The following OR51E2 variants were observed in gnomAD, a reference collection of about 807,000 sequenced individuals.
OR51E2 encodes olfactory receptor family 51 subfamily E member 2, also known as olfactory receptor 51E2.
Under a neutral mutation model 13.7 loss-of-function variants are expected in OR51E2, and 14 were observed. That is an observed-to-expected ratio of 1.02 (90% CI 0.68 to 1.60). OR51E2 has a LOEUF of 1.60. OR51E2 is among the 40% of genes most tolerant of loss of function. OR51E2 has a pLI of 0.00. For missense variants in OR51E2, 483 were observed against 413.8 expected (o/e 1.17, Z -1.45); for synonymous variants, 180 against 157.6 (o/e 1.14, Z -1.07).
rs138652590 is a variant in OR51E2 at position 4,686,078 on chromosome 11, A to C, written c.-50-3317T>G. Among the ~76,000 whole-genome samples, 76 of 152,306 alleles carry C rather than the reference A, an allele frequency of 5.0e-4. No individual in the cohort carries two copies. The East Asian group carries it at 0.011, about 22-fold the overall frequency. On this transcript the variant is annotated intron_variant, in intron 1 of 1. Transcript: ENST00000396950. ...TTAATTAATTCATTCATTGTGTAAT[A>C]AGCACATTCTCAAGGCTAGTTTTGT... is the stretch of plus-strand genomic sequence containing the variant.
chr11:4,697,812 T>G lies in OR51E2; in HGVS notation c.-210A>C, dbSNP rs1244063738. ...CTGAAAGGCCAATTCCTGGTGGTGG[T>G]GCTAACTCACTGTGTCTTCAGGGTG... On this transcript the variant is annotated 5_prime_UTR_variant, in exon 1 of 2. Transcript: ENST00000396950. The G allele has an allele frequency of 6.6e-6, 1 of 152,420 alleles. No individual in the cohort carries two copies. The allele number at this position is 152,420 out of a possible 1,614,324, so 9.4% of individuals were successfully genotyped here.
At chr11:4,689,680 A>G (rs1001344073) in intron 1 of OR51E2, among the ~76,000 whole-genome samples, 5 of 152,154 alleles carry the variant, frequency 3.3e-5, no homozygotes, top group Admixed American at 2.0e-4. Flanking sequence ...CCATTATGAC[A>G]CAAATTTAAA....
At chr11:4,697,423 A>G (rs1043771277) in intron 1 of OR51E2, among the ~76,000 whole-genome samples, 12 of 152,330 alleles carry the variant, frequency 7.9e-5, no homozygotes, top group Admixed American at 7.2e-4. Flanking sequence ...ACACTGATTA[A>G]ACCATTTGAC....
At position 4,682,499 on chromosome 11, in the gene OR51E2, G is replaced by A. The variant is rs954329744; in HGVS notation, c.213C>T (p.Ala71=). ...TCTTAGGCATGGTGGATGTGGATAA[G>A]GCCAGGTCAATGGCTGCAAGCATGC... The part of the protein sequence containing the change: ...FLCMLAAIDL[A]LSTSTMPKIL... Residue 71 remains alanine, a synonymous_variant, in exon 2 of 2, where the codon GCC becomes GCT. Transcript: ENST00000396950. 2 of 1,614,092 alleles carry A rather than the reference G, an allele frequency of 1.2e-6. No homozygotes were observed. The highest frequency in any genetic ancestry group is 2.2e-5 in the East Asian group (1 of 44,898).
At chr11:4,697,296 G>A (rs10500614) in intron 1 of OR51E2, among the ~76,000 whole-genome samples, 17,199 of 152,178 alleles carry the variant, frequency 0.11, 1,311 homozygotes, top group Middle Eastern at 0.18. Flanking sequence ...CAGGATATGC[G>A]CTGTGTCTAA....
rs764603666 is a variant in OR51E2 at position 4,682,248 on chromosome 11, A to G, written c.464T>C (p.Phe155Ser). The G allele has an allele frequency of 1.3e-5, 21 of 1,614,160 alleles. No individual in the cohort carries two copies. In the East Asian group the frequency reaches 4.7e-4, roughly 36 times the overall value. ...IVAVVRGSLF[F>S]FPLPLLIKRL... ...CTTGATCAGCAGAGGCAGTGGGAAA[A>G]AAAAGAGGGATCCGCGGACCACAGC... Residue 155 changes from phenylalanine (F) to serine (S), a missense_variant, in exon 2 of 2, where the codon TTT becomes TCT. Coordinates refer to ENST00000396950, the MANE Select transcript of OR51E2 (RefSeq NM_030774.4).
chr11:4,682,050 A>T lies in OR51E2; in HGVS notation c.662T>A (p.Ile221Lys). 1 of 1,614,244 alleles carries T rather than the reference A, an allele frequency of 6.2e-7. No homozygotes were observed. The highest frequency in any genetic ancestry group is 2.2e-5 in the East Asian group (1 of 44,890). Reference sequence around the variant, plus strand: ...GGAAGGCAGTTGCAGAACCGTTCGTATTATCAGAAAATAGGACAAGGAGAT... The same window carrying T: ...GGAAGGCAGTTGCAGAACCGTTCGTTTTATCAGAAAATAGGACAAGGAGAT... ...MFISLSYFLI[I>K]RTVLQLPSKS... is the part of the protein sequence containing the mutation. Residue 221 changes from isoleucine (I) to lysine (K), a missense_variant, in exon 2 of 2, where the codon ATA becomes AAA. Ile to Lys is a moderately radical substitution (Grantham distance 102, BLOSUM62 -3). Coordinates refer to ENST00000396950, the MANE Select transcript of OR51E2 (RefSeq NM_030774.4).
chr11:4,689,972 T>C, intron 1 of OR51E2, among the ~76,000 whole-genome samples: 1 of 147,998 alleles, frequency 6.8e-6, no homozygotes, highest in South Asian at 2.1e-4. Context: ...TATTTATATT[T>C]ATAAATATAA....
intron 1 of OR51E2, among the ~76,000 whole-genome samples, chr11:4,694,530 A>G (rs1221117929): frequency 6.6e-5 from 9 of 135,612 alleles, no homozygotes; most frequent in African/African-American, 2.1e-4. Context: ...ATACACACAC[A>G]CATATATACG....
In OR51E2 at chr11:4,684,830, C is replaced by T. The variant is rs148883151; in HGVS notation, c.-50-2069G>A. Among the ~76,000 whole-genome samples, 8 of 152,294 alleles carry T rather than the reference C, an allele frequency of 5.3e-5. No individual in the cohort carries two copies. In the East Asian group the frequency reaches 1.6e-3, roughly 30 times the overall value. On this transcript the variant is annotated intron_variant, in intron 1 of 1. Coordinates refer to ENST00000396950, the MANE Select transcript of OR51E2 (RefSeq NM_030774.4). ...TGCCTAAAGTAGACTCCCTGCTAAA[C>T]CCAATTTCAGTTTCTCTTTGGGTCC... is the stretch of plus-strand genomic sequence containing the variant.
chr11:4,689,094 C>A (rs1847548623), intron 1 of OR51E2, among the ~76,000 whole-genome samples: 1 of 152,136 alleles, frequency 6.6e-6, no homozygotes, highest in Admixed American at 6.5e-5. Flanking sequence ...AGACATGATA[C>A]TGGATGGGAT....
intron 1 of OR51E2, among the ~76,000 whole-genome samples, chr11:4,689,161 T>C (rs1847549216): frequency 6.6e-6 from 1 of 152,148 alleles, no homozygotes; most frequent in East Asian, 1.9e-4. Flanking sequence ...TCCCAGGACA[T>C]TGCAACATAT....
chr11:4,681,723 G>T lies in OR51E2; in HGVS notation c.*26C>A. 6.2e-7 allele frequency: 1 copy of T among 1,607,728 alleles called. No individual in the cohort carries two copies. ...TAATTATGTTTATCAAGCCAATAAA[G>T]ATAAGGAGAAGTGTAGTGTTAAGGG... On this transcript the variant is annotated 3_prime_UTR_variant, in exon 2 of 2. Transcript: ENST00000396950.
intron 1 of OR51E2, among the ~76,000 whole-genome samples, chr11:4,689,169 T>G (rs927239299): frequency 6.6e-6 from 1 of 152,152 alleles, no homozygotes; most frequent in African/African-American, 2.4e-5. Flanking sequence ...CATTGCAACA[T>G]ATAAAGATGA....
Position 4,694,410 on chromosome 11 carries a change from A to G in OR51E2, c.-51+3243T>C, listed in dbSNP as rs150304231. On this transcript the variant is annotated intron_variant, in intron 1 of 1. Transcript: ENST00000396950. The stretch of plus-strand genomic sequence containing the variant: ...GGTACCTTATTCTTTTTCCTAGCCA[A>G]TAACTCCACTTTAGCTCCTATCAAC... Among the ~76,000 whole-genome samples, 9 of 151,924 alleles carry G rather than the reference A, an allele frequency of 5.9e-5. No individual in the cohort carries two copies. The East Asian group carries it at 1.7e-3, about 29-fold the overall frequency.
At chr11:4,696,315 C>T (rs1382009218) in intron 1 of OR51E2, among the ~76,000 whole-genome samples, 5 of 152,100 alleles carry the variant, frequency 3.3e-5, no homozygotes, top group East Asian at 3.9e-4. Context: ...CAAACGACAT[C>T]GAACTCTAGT....
At chr11:4,696,561 A>C (rs998932769) in intron 1 of OR51E2, among the ~76,000 whole-genome samples, 6 of 152,092 alleles carry the variant, frequency 3.9e-5, no homozygotes, top group East Asian at 1.9e-4. Flanking sequence ...AAAAAATCTT[A>C]AGTGTTTATA....
At chr11:4,695,317 T>C (rs1847643058) in intron 1 of OR51E2, among the ~76,000 whole-genome samples, 1 of 152,222 alleles carries the variant, frequency 6.6e-6, no homozygotes, top group Non-Finnish European at 1.5e-5. Context: ...TTTAGTGCCA[T>C]TGGTTGCTTT....
intron 1 of OR51E2, among the ~76,000 whole-genome samples, chr11:4,691,955 A>G (rs1174781115): frequency 6.6e-6 from 1 of 152,184 alleles, no homozygotes; most frequent in South Asian, 2.1e-4. Context: ...GCTGGCAGCT[A>G]TGTTTATATC....
Sources: allele counts gnomAD v4.1 joint callset (sites outside exome capture counted in the v4.1 genomes callset), GRCh38; gene constraint gnomAD v4.1.1; transcripts MANE v1.5; gene names NCBI Gene and HGNC (gene_info 2026-07-23, HGNC 2026-07-21).